KLF15: variants seen among roughly 807,000 people sequenced by gnomAD.
The protein encoded by KLF15 is KLF transcription factor 15, also known as Krueppel-like factor 15.
In KLF15, 4 loss-of-function variants were observed where a neutral mutation model predicts 24.6. The observed-to-expected ratio is 0.16, with a 90% CI of 0.08 to 0.37. The LOEUF (loss-of-function observed/expected upper bound fraction) is 0.37, where lower values mean the gene tolerates loss of function less well. Ranked by LOEUF, KLF15 falls within the 10% of genes least tolerant of loss-of-function variation. The pLI, the probability that KLF15 is intolerant of heterozygous loss-of-function variation, is 1.00. For synonymous variants in KLF15, 246 were observed against 236.3 expected (o/e 1.04, Z -0.37); for missense variants, 496 against 560.6 (o/e 0.88, Z 1.16).
chr3:126,295,566 C>A, the KLF15 span, among the ~76,000 whole-genome samples: 1 of 152,148 alleles, frequency 6.6e-6, no homozygotes, highest in Non-Finnish European at 1.5e-5. Flanking sequence ...ATCAGTGCCT[C>A]CTCCCCTCCC....
the KLF15 span, among the ~76,000 whole-genome samples, chr3:126,293,144 T>TAAAAAAA: frequency 8.4e-6 from 1 of 118,580 alleles, no homozygotes; most frequent in Non-Finnish European, 1.7e-5. Flanking sequence ...ACTGCATCTC[T>TAAAAAAA]AAAAAAAAAA....
chr3:126,289,150 A>G, the KLF15 span, among the ~76,000 whole-genome samples: 5 of 152,240 alleles, frequency 3.3e-5, no homozygotes, highest in Admixed American at 1.3e-4. Context: ...CAATGTTAGA[A>G]TCTTCTTACC....
chr3:126,313,488 T>C, the KLF15 span, among the ~76,000 whole-genome samples: 1 of 152,172 alleles, frequency 6.6e-6, no homozygotes, highest in Non-Finnish European at 1.5e-5. Flanking sequence ...GAGACACTGG[T>C]GATTTGGACT....
At chr3:126,291,721 C>T in the KLF15 span, among the ~76,000 whole-genome samples, 1 of 152,260 alleles carries the variant, frequency 6.6e-6, no homozygotes, top group Non-Finnish European at 1.5e-5. Context: ...GACTCTGCCA[C>T]CTGCCTGTGG....
At chr3:126,330,931 G>T in the KLF15 span, among the ~76,000 whole-genome samples, 2 of 152,184 alleles carry the variant, frequency 1.3e-5, no homozygotes, top group African/African-American at 4.8e-5. Flanking sequence ...TGACAAATTT[G>T]TCCAGAATCC....
chr3:126,355,047 G>A (rs1386364036), intron 1 of KLF15, among the ~76,000 whole-genome samples: 1 of 152,232 alleles, frequency 6.6e-6, no homozygotes, highest in East Asian at 1.9e-4. Context: ...CAAACGTTCG[G>A]CCTCTGCCCC....
At chr3:126,316,439 T>G in the KLF15 span, among the ~76,000 whole-genome samples, 74 of 118,508 alleles carry the variant, frequency 6.2e-4, no homozygotes, top group South Asian at 1.4e-3. Flanking sequence ...TGCATGGGCC[T>G]GAGTGGGGAA....
chr3:126,289,641 A>G, the KLF15 span, among the ~76,000 whole-genome samples: 3 of 152,234 alleles, frequency 2.0e-5, no homozygotes, highest in Non-Finnish European at 4.4e-5. Flanking sequence ...CTTTGACCAT[A>G]CAGCCTGTTT....
the KLF15 span, among the ~76,000 whole-genome samples, chr3:126,313,622 G>T: frequency 3.3e-5 from 5 of 152,112 alleles, no homozygotes; most frequent in African/African-American, 1.2e-4. Flanking sequence ...TCCTGCAGAG[G>T]GTCATTTTTC....
the KLF15 span, among the ~76,000 whole-genome samples, chr3:126,296,116 C>CT: frequency 3.3e-5 from 5 of 152,204 alleles, no homozygotes; most frequent in African/African-American, 1.2e-4. Context: ...ATAATATTTT[C>CT]TTTAACATCC....
chr3:126,311,918 G>A, the KLF15 span, among the ~76,000 whole-genome samples: 2 of 152,186 alleles, frequency 1.3e-5, no homozygotes, highest in African/African-American at 2.4e-5. Context: ...GCTATCAATC[G>A]TAAATCACTG....
Position 126,356,440 on chromosome 3 carries a change from G to A in KLF15, c.-26+797C>T, listed in dbSNP as rs2082633011. Among the ~76,000 whole-genome samples the A allele has an allele frequency of 6.6e-6, 1 of 152,302 alleles. No homozygotes were observed. On this transcript the variant is annotated intron_variant, in intron 1 of 2. Transcript: ENST00000296233. This position sits in a 1 kb window ranked among gnomAD's most constrained non-coding sequence, Gnocchi z 4.4. ...AAGGCGGGGAGGGAAGAGTGAACCG[G>A]ACCACCATATGGGATGGGGACGGCC...
At chr3:126,293,631 T>C in the KLF15 span, among the ~76,000 whole-genome samples, 7 of 152,174 alleles carry the variant, frequency 4.6e-5, no homozygotes, top group African/African-American at 1.7e-4. Context: ...CTTCCATGCC[T>C]GTCCAGAAGA....
the KLF15 span, among the ~76,000 whole-genome samples, chr3:126,305,790 G>T: frequency 6.6e-6 from 1 of 152,238 alleles, no homozygotes; most frequent in Admixed American, 6.5e-5. Flanking sequence ...GATTTGAAAA[G>T]CTGGATGTCT....
chr3:126,339,761 T>C (rs928521589), downstream of KLF15, among the ~76,000 whole-genome samples: 1 of 152,190 alleles, frequency 6.6e-6, no homozygotes, highest in African/African-American at 2.4e-5. Context: ...GCTTTCTGCC[T>C]ATGTCCCCTC....
chr3:126,351,719 C>A (rs974272078), intron 2 of KLF15, 122 bp downstream of exon 2: 47 of 1,004,814 alleles, frequency 4.7e-5, no homozygotes, highest in Non-Finnish European at 6.3e-5. Context: ...CACCCGCCTG[C>A]CCCTCCCTCC....
At chr3:126,331,925 C>T in the KLF15 span, among the ~76,000 whole-genome samples, 1,030 of 152,312 alleles carry the variant, frequency 6.8e-3, 6 homozygotes, top group African/African-American at 0.022. Context: ...GTCCTACGCC[C>T]ACGGAATCTC....
chr3:126,342,298 A>G (rs569263495), downstream of KLF15, among the ~76,000 whole-genome samples: 83 of 152,190 alleles, frequency 5.5e-4, no homozygotes, highest in Non-Finnish European at 5.1e-4. Context: ...TAGGAAGTGC[A>G]AGAAAGGGTC....
At position 126,343,740 on chromosome 3, in the gene KLF15, C is replaced by A. The variant is rs759530999; in HGVS notation, c.1238G>T (p.Arg413Leu). 20 of 1,611,196 alleles carry A rather than the reference C, an allele frequency of 1.2e-5. No homozygotes were observed. Among genetic ancestry groups the A allele is most frequent in the Non-Finnish European group, 1.5e-5 (18 of 1,179,420 alleles). ...HRFPRSSRSV[R>L]SVN Reference sequence around the variant, plus strand: ...TTCAGGGCGCTTTCAGTTCACGGAGCGCACGGAGCGGCTGCTCCGCGGGAA... The same window carrying A: ...TTCAGGGCGCTTTCAGTTCACGGAGAGCACGGAGCGGCTGCTCCGCGGGAA... The change falls in exon 3 of 3, where the codon CGC becomes CTC. Residue 413 changes from arginine (R) to leucine (L), a missense_variant. Arg to Leu is a moderately radical substitution (Grantham distance 102). Around this residue, in one of 3 missense-constraint regions of KLF15, gnomAD observed 38 missense variants for 31.5 expected, o/e 1.21. Coordinates refer to ENST00000296233, the MANE Select transcript of KLF15 (RefSeq NM_014079.4).
Sources: gnomAD v4.1 joint callset for allele counts (sites outside exome capture counted in the v4.1 genomes callset) on GRCh38, gnomAD v4.1.1 for gene constraint, gnomAD v4.1.1 regional missense constraint, Gnocchi (gnomAD v3.1) non-coding constraint, MANE v1.5 for transcripts, NCBI Gene and HGNC (gene_info 2026-07-23, HGNC 2026-07-21) for gene names.